AOPEP: variants seen among roughly 807,000 people sequenced by gnomAD.
AOPEP encodes aminopeptidase O (putative), also known as aminopeptidase O.
A neutral mutation model predicts 98.1 loss-of-function variants in AOPEP; 77 were observed. The ratio of observed to expected loss-of-function variants is 0.78; its 90% CI spans 0.65 to 0.95. AOPEP has a LOEUF of 0.95. Among genes scored for constraint, AOPEP ranks in the 40% least tolerant of loss-of-function variants. AOPEP has a pLI of 0.00. For synonymous variants in AOPEP, 346 were observed against 365.3 expected (o/e 0.95, Z 0.60); for missense variants, 1,024 against 1,024.7 (o/e 1.00, Z 0.01).
intron 5 of AOPEP, among the ~76,000 whole-genome samples, chr9:94,892,872 C>T (rs201267444): frequency 1.3e-5 from 2 of 152,214 alleles, no homozygotes; most frequent in East Asian, 3.9e-4. Context: ...GGCCACGTCA[C>T]CTGACTAATT....
intron 5 of AOPEP, among the ~76,000 whole-genome samples, chr9:94,803,880 T>G (rs868376877): frequency 1.3e-5 from 2 of 152,188 alleles, no homozygotes; most frequent in Non-Finnish European, 2.9e-5. Context: ...CAGTTTTTGT[T>G]TCATTGTGTT....
At chr9:95,079,474 C>T (rs533489248) in intron 14 of AOPEP, among the ~76,000 whole-genome samples, 17 of 152,316 alleles carry the variant, frequency 1.1e-4, no homozygotes, top group Admixed American at 5.2e-4. Flanking sequence ...GATGTTGGTT[C>T]AGTGATGGAG....
chr9:95,081,091 G>C (rs2069702307), intron 15 of AOPEP, among the ~76,000 whole-genome samples: 1 of 152,190 alleles, frequency 6.6e-6, no homozygotes, highest in South Asian at 2.1e-4. Context: ...GTGACGCCGT[G>C]GGGTAGATCC....
intron 11 of AOPEP, among the ~76,000 whole-genome samples, chr9:95,001,944 A>ATTT (rs111860886): frequency 7.1e-6 from 1 of 141,604 alleles, no homozygotes. Flanking sequence ...TGCCTGGCTG[A>ATTT]TTTTTTTTTT....
intron 11 of AOPEP, among the ~76,000 whole-genome samples, chr9:95,002,539 T>C (rs1165609899): frequency 6.6e-6 from 1 of 152,178 alleles, no homozygotes; most frequent in Non-Finnish European, 1.5e-5. Context: ...ATGCAATATG[T>C]TAAATATGGG....
chr9:95,072,898 A>T (rs1344288328), intron 14 of AOPEP, among the ~76,000 whole-genome samples: 3 of 152,100 alleles, frequency 2.0e-5, no homozygotes, highest in Non-Finnish European at 4.4e-5. Context: ...TTCCCCCTCC[A>T]CTGTGTTTCT....
chr9:94,735,824 C>T (rs1436598976), intron 1 of AOPEP, among the ~76,000 whole-genome samples: 1 of 152,146 alleles, frequency 6.6e-6, no homozygotes, highest in East Asian at 1.9e-4. Flanking sequence ...GCAGTGACTC[C>T]TCATTCTCTC....
intron 5 of AOPEP, among the ~76,000 whole-genome samples, chr9:94,846,999 G>A (rs569358392): frequency 6.6e-6 from 1 of 152,168 alleles, no homozygotes; most frequent in South Asian, 2.1e-4. Context: ...TGGTGGGAGG[G>A]TGGGGATCTA....
intron 16 of AOPEP, chr9:95,085,839 T>TGGTA: frequency 9.1e-7 from 1 of 1,103,332 alleles, no homozygotes; most frequent in Non-Finnish European, 1.2e-6. Context: ...TGAAATCATG[T>TGGTA]GGTAGCTCAT....
At chr9:94,932,051 T>A in intron 7 of AOPEP, 1 of 1,142,984 alleles carries the variant, frequency 8.7e-7, no homozygotes, top group Non-Finnish European at 1.1e-6. Flanking sequence ...AGAACAGGGA[T>A]TTAAACCCAG....
Position 94,932,050 on chromosome 9 carries a change from A to T in AOPEP, c.1661+3519A>T, listed in dbSNP as rs890258075. ...CTAGCTGATAAAGAAGAGAACAGGGATTTAAACCCAGGGACGGAAACTCTT... is the reference window on the plus strand; with the variant it reads ...CTAGCTGATAAAGAAGAGAACAGGGTTTTAAACCCAGGGACGGAAACTCTT... On this transcript the variant is annotated intron_variant, in intron 7 of 16. Coordinates refer to ENST00000375315, the MANE Select transcript of AOPEP (RefSeq NM_001193329.3). 2.8e-5 allele frequency: 32 copies of T among 1,142,936 alleles called. No individual in the cohort carries two copies. In the African/African-American group the frequency reaches 4.8e-4, roughly 17 times the overall value. 70.8% of individuals were successfully genotyped at this position (1,142,936 alleles called of 1,614,324 possible).
At chr9:94,812,923 G>C (rs912960565) in intron 5 of AOPEP, among the ~76,000 whole-genome samples, 1 of 152,132 alleles carries the variant, frequency 6.6e-6, no homozygotes, top group East Asian at 1.9e-4. Context: ...GCGTTTTATT[G>C]AGCCAAAGTG....
chr9:95,100,812 G>A, the AOPEP span: 2 of 226,510 alleles, frequency 8.8e-6, no homozygotes, highest in Non-Finnish European at 8.8e-6. Context: ...TGTATTTTTA[G>A]TAGAGATAGG....
chr9:94,965,647 G>GT (rs1432921591), intron 9 of AOPEP, among the ~76,000 whole-genome samples: 1 of 152,196 alleles, frequency 6.6e-6, no homozygotes, highest in Non-Finnish European at 1.5e-5. Flanking sequence ...TGTGAAGTCT[G>GT]TATCTGCAGA....
chr9:94,826,448 T>A (rs559782552), intron 5 of AOPEP, among the ~76,000 whole-genome samples: 1 of 152,260 alleles, frequency 6.6e-6, no homozygotes, highest in East Asian at 1.9e-4. Flanking sequence ...CTTTTCCTGA[T>A]CCACATGGTG....
At chr9:95,113,741 G>C in the AOPEP span, 1 of 151,736 alleles carries the variant, frequency 6.6e-6, no homozygotes, top group East Asian at 1.9e-4. Flanking sequence ...TCCTGCCTCA[G>C]CCTCCCGAGT....
chr9:94,792,987 CTTCCAAGCACTGGGA>C, intron 4 of AOPEP, 69 bp downstream of exon 4: 1 of 1,463,094 alleles, frequency 6.8e-7, no homozygotes, highest in Non-Finnish European at 9.3e-7. Flanking sequence ...TGATGCATTT[CTTCCAAGCACTGGGA>C]ATGTGAGTCA....
At chr9:94,852,440 G>C (rs1261593717) in intron 5 of AOPEP, among the ~76,000 whole-genome samples, 1 of 152,198 alleles carries the variant, frequency 6.6e-6, no homozygotes, top group Non-Finnish European at 1.5e-5. Context: ...GAAGAGCAGT[G>C]GCTGGGAGTT....
chr9:94,950,287 A>G (rs1369709345), intron 7 of AOPEP, among the ~76,000 whole-genome samples: 1 of 152,214 alleles, frequency 6.6e-6, no homozygotes, highest in African/African-American at 2.4e-5. Context: ...AACGCAGATA[A>G]TAGCCACATT....
Sources: allele counts gnomAD v4.1 joint callset (sites outside exome capture counted in the v4.1 genomes callset), GRCh38; gene constraint gnomAD v4.1.1; transcripts MANE v1.5; gene names NCBI Gene and HGNC (gene_info 2026-07-23, HGNC 2026-07-21).